Variants in NR4A1 observed in about 807,000 individuals in gnomAD.
NR4A1 encodes nuclear receptor subfamily 4immunitygroup A member 1.
NR4A1 carries 24 observed loss-of-function variants against 47.5 expected under a neutral mutation model. The observed-to-expected ratio is 0.50, with a 90% CI of 0.37 to 0.71. NR4A1 has a LOEUF of 0.71. Ranked by LOEUF, NR4A1 falls within the 30% of genes least tolerant of loss-of-function variation. The pLI, the probability that NR4A1 is intolerant of heterozygous loss-of-function variation, is 0.00. For missense variants in NR4A1, 669 were observed against 788.6 expected, an observed-to-expected ratio of 0.85 and a Z score of 1.82; for synonymous variants, 353 against 345.7, an observed-to-expected ratio of 1.02 and a Z score of -0.24.
chr12:52,043,882 G>T, intron 2 of NR4A1: 1 of 1,289,230 alleles, frequency 7.8e-7, no homozygotes, highest in Non-Finnish European at 1.0e-6. Flanking sequence ...CCTTTTTCCA[G>T]GGTCAAAGCA....
At position 52,057,432 on chromosome 12, in the gene NR4A1, A is replaced by G. The variant is rs1592309538; in HGVS notation, c.1442A>G (p.Asp481Gly). 1 of 1,614,110 alleles carries G rather than the reference A, an allele frequency of 6.2e-7. No homozygotes were observed. Among genetic ancestry groups the G allele is most frequent in the Non-Finnish European group, 8.5e-7 (1 of 1,180,022 alleles). Residue 481 changes from aspartate to glycine, a missense_variant, in exon 6 of 7, where the codon GAC (aspartate) becomes GGC (glycine). Asp to Gly is a moderately conservative substitution (Grantham distance 94). Coordinates refer to ENST00000394825, the MANE Select transcript of NR4A1 (RefSeq NM_173157.3). ...HRLQCARGFG[D>G]WIDSILAFSR... The stretch of plus-strand genomic sequence containing the variant: ...CTGCAGTGTGCCCGTGGCTTCGGGG[A>G]CTGGATTGACAGTATCCTGGCCTTC...
chr12:52,055,989 C>G, intron 2 of NR4A1, 41 bp from the exon 3 acceptor site: 1 of 1,269,532 alleles, frequency 7.9e-7, no homozygotes, highest in Non-Finnish European at 1.0e-6. Context: ...CCTCCCCACC[C>G]CACACTCTGA....
intron 1 of NR4A1, among the ~76,000 whole-genome samples, chr12:52,031,186 A>AATT (rs1313620184): frequency 6.6e-6 from 1 of 151,636 alleles, no homozygotes; most frequent in Non-Finnish European, 1.5e-5. Context: ...GCTATTTTTT[A>AATT]ATTATTATTA....
upstream of NR4A1, among the ~76,000 whole-genome samples, chr12:52,048,441 A>AAAC (rs1938760097): frequency 1.3e-5 from 2 of 151,768 alleles, no homozygotes; most frequent in African/African-American, 2.4e-5. Context: ...AAAAATACAA[A>AAAC]AAAATTAGCT....
intron 2 of NR4A1, chr12:52,055,653 G>C: frequency 2.7e-6 from 1 of 374,502 alleles, no homozygotes; most frequent in Non-Finnish European, 4.8e-6. Flanking sequence ...TTGTCCCAGC[G>C]ATGGTGCCTG....
intron 6 of NR4A1, 100 bp downstream of exon 6, chr12:52,057,630 C>T: frequency 1.4e-6 from 2 of 1,386,230 alleles, no homozygotes; most frequent in Non-Finnish European, 2.0e-6. Flanking sequence ...GGGCCGGGAT[C>T]TAGCACTTTC....
intron 1 of NR4A1, among the ~76,000 whole-genome samples, chr12:52,041,372 C>G (rs1938430208): frequency 6.6e-6 from 1 of 152,070 alleles, no homozygotes; most frequent in Non-Finnish European, 1.5e-5. Flanking sequence ...TGAGTGGAGC[C>G]CCTGTCTCTT....
chr12:52,050,346 G>C (rs1592297876), upstream of NR4A1, among the ~76,000 whole-genome samples: 7 of 152,294 alleles, frequency 4.6e-5, 2 homozygotes, highest in Admixed American at 4.6e-4. Context: ...ACAGGGGGAG[G>C]GGTATTGATA....
At chr12:52,052,212 T>TG (rs1287280957) in intron 1 of NR4A1, among the ~76,000 whole-genome samples, 46 of 141,672 alleles carry the variant, frequency 3.2e-4, no homozygotes, top group African/African-American at 1.2e-3. Flanking sequence ...CTTCTTGGGG[T>TG]CGGGGCAGGG....
At chr12:52,046,648 T>C (rs1465212568), upstream of NR4A1, among the ~76,000 whole-genome samples, 2 of 152,142 alleles carry the variant, frequency 1.3e-5, no homozygotes, top group Non-Finnish European at 2.9e-5. Context: ...TCTGGATCCA[T>C]ATGAAGAAAT....
chr12:52,033,527 C>T (rs1014033448), intron 1 of NR4A1, among the ~76,000 whole-genome samples: 3 of 152,220 alleles, frequency 2.0e-5, no homozygotes, highest in African/African-American at 4.8e-5. Flanking sequence ...CTGCCATTTC[C>T]GGTCTGGAGA....
rs776979760 is a variant in NR4A1 at position 52,057,500 on chromosome 12, G to T, written c.1510G>T (p.Ala504Ser). The change falls in exon 6 of 7, where the codon GCC (alanine) becomes TCC (serine). Residue 504 changes from alanine to serine, a missense_variant. Physicochemically the swap from Ala to Ser is moderately conservative, Grantham distance 99. Transcript: ENST00000394825. ...HSLLVDVPAF[A>S]CLSALVLITD... Reference sequence around the variant, plus strand: ...CTTGCTTGTCGATGTCCCTGCCTTCGCCTGCCTCTCTGCCCTTGTCCTCAT... The same window carrying T: ...CTTGCTTGTCGATGTCCCTGCCTTCTCCTGCCTCTCTGCCCTTGTCCTCAT... 3 of 1,611,506 alleles carry T rather than the reference G, an allele frequency of 1.9e-6. No individual in the cohort carries two copies. The highest frequency in any genetic ancestry group is 1.1e-5 in the South Asian group (1 of 91,048).
At chr12:52,024,189 T>C (rs1288281856) in intron 1 of NR4A1, among the ~76,000 whole-genome samples, 8 of 152,142 alleles carry the variant, frequency 5.3e-5, no homozygotes, top group Non-Finnish European at 1.5e-5. Flanking sequence ...GGGCAGTCTT[T>C]TGCCTTCTGC....
Position 52,058,900 on chromosome 12 carries a change from C to G in NR4A1, c.1753C>G (p.Pro585Ala). The stretch of plus-strand genomic sequence containing the variant: ...CAAGCTGGAGGACTTGGTGCCCCCT[C>G]CACCCATCATTGACAAGATCTTCAT... ...YLKLEDLVPP[P>A]PIIDKIFMDT... Residue 585 changes from proline to alanine, a missense_variant, in exon 7 of 7, where the codon CCA (proline) becomes GCA (alanine). Pro to Ala is a conservative substitution (Grantham distance 27). Coordinates refer to ENST00000394825, the MANE Select transcript of NR4A1 (RefSeq NM_173157.3). 6.2e-7 allele frequency: 1 copy of G among 1,613,872 alleles called. No individual in the cohort carries two copies. The highest frequency in any genetic ancestry group is 1.1e-5 in the South Asian group (1 of 91,082).
chr12:52,049,228 G>A (rs1446262348), upstream of NR4A1, among the ~76,000 whole-genome samples: 1 of 152,098 alleles, frequency 6.6e-6, no homozygotes, highest in Non-Finnish European at 1.5e-5. Context: ...ACTAAAAGTC[G>A]GCCCTCTGTA....
Position 52,056,171 on chromosome 12 carries a change from G to C in NR4A1, c.1006+12G>C. 1.3e-6 allele frequency: 2 copies of C among 1,593,574 alleles called. No homozygotes were observed. The highest frequency in any genetic ancestry group is 1.7e-6 in the Non-Finnish European group (2 of 1,170,044). ...CATGGTGAAGGAAGGTGTGTGGCTG[G>C]GGTGCGGCCCAGCGGGGCAAGGGTA... On this transcript the variant is annotated intron_variant, in intron 3 of 6. Transcript: ENST00000394825.
In NR4A1 at chr12:52,054,395, A is replaced by G. The variant is rs1325117878; in HGVS notation, c.67A>G (p.Ser23Gly). The G allele has an allele frequency of 1.2e-6, 2 of 1,613,364 alleles. No individual in the cohort carries two copies. Among genetic ancestry groups the G allele is most frequent in the South Asian group, 1.1e-5 (1 of 91,036 alleles). The change falls in exon 2 of 7, where the codon AGC becomes GGC. Residue 23 changes from serine to glycine, a missense_variant. Physicochemically the swap from Ser to Gly is moderately conservative, Grantham distance 56. Coordinates refer to ENST00000394825, the MANE Select transcript of NR4A1 (RefSeq NM_173157.3). ...TCCGGGACCCCGTGACCACCTGGCA[A>G]GCGACCCCCTGACCCCTGAGTTCAT... ...PSPGPRDHLA[S>G]DPLTPEFIKP...
At chr12:52,028,646 C>T (rs1242495368) in intron 1 of NR4A1, among the ~76,000 whole-genome samples, 1 of 152,134 alleles carries the variant, frequency 6.6e-6, no homozygotes, top group Non-Finnish European at 1.5e-5. Flanking sequence ...TAGCTCATGC[C>T]TGTAATCCCA....
intron 1 of NR4A1, chr12:52,038,680 A>G (rs1447042563): frequency 1.3e-6 from 1 of 762,548 alleles, no homozygotes; most frequent in South Asian, 1.4e-5. Context: ...AAGTCAGCTG[A>G]CTCCGTGTAG....
Sources: allele counts gnomAD v4.1 joint callset (sites outside exome capture counted in the v4.1 genomes callset), GRCh38; gene constraint gnomAD v4.1.1; transcripts MANE v1.5; gene names NCBI Gene and HGNC (gene_info 2026-07-23, HGNC 2026-07-21).